The following FAM240C variants were observed in gnomAD, a reference collection of about 807,000 sequenced individuals.
The protein encoded by FAM240C is protein FAM240C.
In FAM240C, 14 loss-of-function variants were observed where a neutral mutation model predicts 10.0. That is an observed-to-expected ratio of 1.40 (90% confidence interval 0.92 to 2.19). The LOEUF (loss-of-function observed/expected upper bound fraction) is 2.19, where lower values mean the gene tolerates loss of function less well. FAM240C is among the 30% of genes most tolerant of loss of function. The pLI, the probability that FAM240C is intolerant of heterozygous loss-of-function variation, is 0.00. For synonymous variants in FAM240C, 49 were observed against 44.3 expected (o/e 1.11, Z -0.42); for missense variants, 154 against 122.3 (o/e 1.26, Z -1.22).
intron 2 of FAM240C, among the ~76,000 whole-genome samples, chr2:241,896,510 T>G (rs1701810639): frequency 3.5e-5 from 4 of 113,538 alleles, no homozygotes; most frequent in Admixed American, 8.7e-5. Flanking sequence ...GAAGGGGGTG[T>G]GGGTGTTGGG....
chr2:241,901,930 C>T (rs1016372952), upstream of FAM240C, among the ~76,000 whole-genome samples: 4 of 152,232 alleles, frequency 2.6e-5, no homozygotes, highest in Non-Finnish European at 5.9e-5. This position sits in a 1 kb window ranked among gnomAD's most constrained non-coding sequence, Gnocchi z 4.9. Flanking sequence ...AAAACTTGTC[C>T]TTCCAGGCCC....
chr2:241,898,197 A>G (rs1445093176), intron 1 of FAM240C, among the ~76,000 whole-genome samples: 1 of 152,172 alleles, frequency 6.6e-6, no homozygotes, highest in African/African-American at 2.4e-5. Context: ...CTTTCCAATT[A>G]TTTTGGACTC....
Position 241,897,182 on chromosome 2 carries a change from T to C in FAM240C, c.161+4A>G. On this transcript the variant is annotated splice_donor_region_variant and intron_variant, in intron 2 of 2. Transcript: ENST00000404031. ...TCCCCGATGCACTGCACACCCCGAC[T>C]CACTTGTTCAGAGCGCTTCTGCGAA... is the stretch of plus-strand genomic sequence containing the variant. 6.5e-7 allele frequency: 1 copy of C among 1,549,552 alleles called. No homozygotes were observed. Among genetic ancestry groups the C allele is most frequent in the Non-Finnish European group, 8.7e-7 (1 of 1,146,330 alleles).
chr2:241,897,592 A>G (rs1415152529), intron 1 of FAM240C, among the ~76,000 whole-genome samples: 1 of 152,196 alleles, frequency 6.6e-6, no homozygotes, highest in Non-Finnish European at 1.5e-5. Flanking sequence ...AATGGAGGGC[A>G]AATTCCATTT....
chr2:241,900,366 C>G lies in FAM240C; in HGVS notation c.4G>C (p.Val2Leu). Residue 2 changes from valine to leucine, a missense_variant, in exon 1 of 3, where the codon GTT becomes CTT. Transcript: ENST00000404031. The surrounding 1 kb of genome is among the most constrained non-coding windows in gnomAD (Gnocchi z 4.5). MVGKNMSKSLTL... is the reference protein window; with the variant it reads MLGKNMSKSLTL... Reference sequence around the variant, plus strand: ...CATCACAGAGAGCTTACTTTTCCAACCATTTCTCAGTGACGGGCAGGTTTT... The same window carrying G: ...CATCACAGAGAGCTTACTTTTCCAAGCATTTCTCAGTGACGGGCAGGTTTT... The G allele has an allele frequency of 1.4e-6, 1 of 717,328 alleles. No homozygotes were observed. Among genetic ancestry groups the G allele is most frequent in the Non-Finnish European group, 2.6e-6 (1 of 385,054 alleles). 44.4% of individuals were successfully genotyped at this position (717,328 alleles called of 1,614,324 possible). A position where few individuals can be genotyped will look rare whatever the true frequency, so the allele number is the denominator to read the frequency against.
At chr2:241,896,407 A>G (rs1701804784) in intron 2 of FAM240C, among the ~76,000 whole-genome samples, 1 of 151,464 alleles carries the variant, frequency 6.6e-6, no homozygotes, top group East Asian at 1.9e-4. Flanking sequence ...GTGATCTCAG[A>G]AAAACAAGCC....
chr2:241,898,316 C>T (rs974137389), intron 1 of FAM240C, among the ~76,000 whole-genome samples: 2 of 152,132 alleles, frequency 1.3e-5, no homozygotes, highest in Non-Finnish European at 2.9e-5. Context: ...TTTGGGAGGT[C>T]AAGGCTGGCA....
chr2:241,898,282 G>C (rs1367919789), intron 1 of FAM240C, among the ~76,000 whole-genome samples: 3 of 152,216 alleles, frequency 2.0e-5, no homozygotes, highest in African/African-American at 7.2e-5. Context: ...CGGGCGTGGT[G>C]GCTCACGCCT....
rs1559467007 is a variant in FAM240C, at chr2:241,894,181, A to AAGCTCATGCAGAGTCTGG, written c.*14_*31dup. 10 of 1,534,748 alleles carry AAGCTCATGCAGAGTCTGG rather than the reference A, an allele frequency of 6.5e-6. 1 individual carries two copies. The Admixed American group carries it at 2.0e-4, about 30-fold the overall frequency. On this transcript the variant is annotated 3_prime_UTR_variant, in exon 3 of 3. Transcript: ENST00000404031. ...GTGTTCCTTCTCCATGACCCTCCGG[A>AAGCTCATGCAGAGTCTGG]AGCTCATGCAGAGTCTGGAGCTCGT...
At chr2:241,896,462 G>A (rs1233493820) in intron 2 of FAM240C, among the ~76,000 whole-genome samples, 8 of 150,104 alleles carry the variant, frequency 5.3e-5, no homozygotes, top group Middle Eastern at 6.8e-3. Flanking sequence ...GATCCTGGAC[G>A]GAGTGTCAGG....
upstream of FAM240C, among the ~76,000 whole-genome samples, chr2:241,902,324 TCCCCTC>T (rs1450966233): frequency 2.3e-5 from 2 of 86,646 alleles, no homozygotes; most frequent in African/African-American, 8.5e-5. This position sits in a 1 kb window ranked among gnomAD's most constrained non-coding sequence, Gnocchi z 7.1. Context: ...GCCTGCCGCC[TCCCCTC>T]CGCCGCCGCC....
At chr2:241,898,575 A>C (rs898759994) in intron 1 of FAM240C, among the ~76,000 whole-genome samples, 1 of 151,282 alleles carries the variant, frequency 6.6e-6, no homozygotes, top group African/African-American at 2.4e-5. Context: ...CAAACAAAAA[A>C]AGAATGTCCG....
At chr2:241,896,784 A>G (rs549822442) in intron 2 of FAM240C, among the ~76,000 whole-genome samples, 2 of 3,444 alleles carry the variant, frequency 5.8e-4, no homozygotes, top group Non-Finnish European at 1.1e-3. Context: ...GTGTGGGTGA[A>G]GGGGGTGTGG....
chr2:241,901,366 T>G (rs1168159102), upstream of FAM240C, among the ~76,000 whole-genome samples: 1 of 152,164 alleles, frequency 6.6e-6, no homozygotes, highest in Non-Finnish European at 1.5e-5. The surrounding 1 kb of genome is among the most constrained non-coding windows in gnomAD (Gnocchi z 4.9). Context: ...GTCACTTGCT[T>G]CTTTATGAGG....
chr2:241,895,612 ACCT>A (rs1701777051), intron 2 of FAM240C, among the ~76,000 whole-genome samples: 1 of 152,154 alleles, frequency 6.6e-6, no homozygotes, highest in South Asian at 2.1e-4. Flanking sequence ...CCTAAGAGTG[ACCT>A]CCTTAAAAGC....
At chr2:241,897,448 CCCCG>C (rs1390770026) in intron 1 of FAM240C, 114 bp from the exon 2 acceptor site, 1 of 1,298,596 alleles carries the variant, frequency 7.7e-7, no homozygotes, top group Non-Finnish European at 1.1e-6. Context: ...GCATCGTGGT[CCCCG>C]CCTTCCTGGT....
At chr2:241,901,424 G>A (rs916434533), upstream of FAM240C, among the ~76,000 whole-genome samples, 12 of 152,168 alleles carry the variant, frequency 7.9e-5, no homozygotes, top group African/African-American at 2.4e-4. The surrounding 1 kb of genome is among the most constrained non-coding windows in gnomAD (Gnocchi z 4.9). Flanking sequence ...GGAAATTTTC[G>A]TTTACTATCA....
At chr2:241,895,753 A>C (rs1701779820) in intron 2 of FAM240C, among the ~76,000 whole-genome samples, 2 of 152,174 alleles carry the variant, frequency 1.3e-5, no homozygotes, top group Admixed American at 1.3e-4. Flanking sequence ...CCTCCACCTC[A>C]GGGGCCAGAG....
At chr2:241,896,350 T>A (rs75320051) in intron 2 of FAM240C, among the ~76,000 whole-genome samples, 3,638 of 152,110 alleles carry the variant, frequency 0.024, 367 homozygotes, top group Admixed American at 0.17. Flanking sequence ...TGAGCAAGTC[T>A]GCTAGGAGGA....
Sources: allele counts gnomAD v4.1 joint callset (sites outside exome capture counted in the v4.1 genomes callset), GRCh38; gene constraint gnomAD v4.1.1; non-coding constraint Gnocchi (gnomAD v3.1); transcripts MANE v1.5; gene names NCBI Gene and HGNC (gene_info 2026-07-23, HGNC 2026-07-21).